Variants in DNAH7 observed in about 807,000 individuals in gnomAD.
DNAH7 encodes dynein axonemal heavy chain 7.
In DNAH7, 397 loss-of-function variants were observed where a neutral mutation model predicts 444.6. The observed-to-expected ratio is 0.89, with a 90% CI of 0.82 to 0.97. The LOEUF (loss-of-function observed/expected upper bound fraction) is 0.97, where lower values mean the gene tolerates loss of function less well. Ranked by LOEUF, DNAH7 falls within the 50% of genes least tolerant of loss-of-function variation. DNAH7 has a pLI of 0.00. For synonymous variants in DNAH7, 1,636 were observed against 1,624.4 expected, an observed-to-expected ratio of 1.01 and a Z score of -0.17; for missense variants, 4,902 against 4,800.8, an observed-to-expected ratio of 1.02 and a Z score of -0.62.
chr2:195,906,423 A>ACACACACACTT (rs764416021), intron 27 of DNAH7, among the ~76,000 whole-genome samples: 16 of 147,462 alleles, frequency 1.1e-4, no homozygotes, highest in African/African-American at 4.1e-4. Flanking sequence ...ACACACACAC[A>ACACACACACTT]CACACACTTT....
chr2:195,997,665 T>G (rs1693782454), intron 12 of DNAH7, among the ~76,000 whole-genome samples: 1 of 151,786 alleles, frequency 6.6e-6, no homozygotes, highest in Non-Finnish European at 1.5e-5. Context: ...CATTGCAGGT[T>G]TACCTTCCAT....
Position 195,787,082 on chromosome 2 carries a change from A to G in DNAH7, c.10806T>C (p.Ile3602=). 5 of 1,613,084 alleles carry G rather than the reference A, an allele frequency of 3.1e-6. No homozygotes were observed. Among genetic ancestry groups the G allele is most frequent in the Non-Finnish European group, 4.2e-6 (5 of 1,179,720 alleles). Residue 3602 remains isoleucine (I), a synonymous_variant, in exon 58 of 65, where the codon ATT becomes ATC. Transcript: ENST00000312428. The part of the protein sequence containing the change: ...RRKFGPLGWN[I]PYEFNETDLR... ...GATCTGTCTCATTGAACTCATAAGG[A>G]ATATTCCACCCTAGGGGTCCAAATT...
At position 195,857,477 on chromosome 2, in the gene DNAH7, A is replaced by T; in HGVS notation, c.8314T>A (p.Tyr2772Asn). 6.2e-7 allele frequency: 1 copy of T among 1,613,568 alleles called. No homozygotes were observed. ...PAYMNIIRKN[Y>N]IPNPDFVPEK... is the part of the protein sequence containing the mutation. ...GGTACAAAATCTGGATTTGGAATAT[A>T]ATTTTTTCTTATGATATTCATATAA... Residue 2772 changes from tyrosine (Y) to asparagine (N), a missense_variant, in exon 44 of 65, where the codon TAT (tyrosine) becomes AAT (asparagine). Tyr to Asn is a moderately radical substitution (Grantham distance 143). Transcript: ENST00000312428.
At position 195,810,592 on chromosome 2, in the gene DNAH7, C is replaced by T. The variant is rs555265664; in HGVS notation, c.9762-721G>A. Reference sequence around the variant, plus strand: ...ATGCCTGGCTAATTTTGGCAATGTCCTAACTGATATTCTAAGCTGTCAATC... The same window carrying T: ...ATGCCTGGCTAATTTTGGCAATGTCTTAACTGATATTCTAAGCTGTCAATC... On this transcript the variant is annotated intron_variant, in intron 51 of 64. Coordinates refer to ENST00000312428, the MANE Select transcript of DNAH7 (RefSeq NM_018897.3). 2.6e-5 allele frequency among the ~76,000 whole-genome samples: 4 copies of T among 151,630 alleles called. No individual in the cohort carries two copies. The East Asian group carries it at 5.8e-4, about 22-fold the overall frequency.
intron 8 of DNAH7, among the ~76,000 whole-genome samples, chr2:196,020,123 T>C (rs926772757): frequency 2.6e-5 from 4 of 152,136 alleles, no homozygotes; most frequent in Non-Finnish European, 5.9e-5. Context: ...AATTTTCTTT[T>C]CTCTAGCTTA....
intron 9 of DNAH7, among the ~76,000 whole-genome samples, chr2:196,018,362 C>T (rs1422973613): frequency 2.0e-5 from 3 of 152,000 alleles, no homozygotes; most frequent in Non-Finnish European, 4.4e-5. Context: ...AAAAATCCAG[C>T]AAAATATACT....
chr2:195,777,060 G>A (rs1256645335), intron 59 of DNAH7, among the ~76,000 whole-genome samples: 2 of 152,140 alleles, frequency 1.3e-5, no homozygotes, highest in African/African-American at 4.8e-5. Context: ...TCTGCCCTTG[G>A]CTAGCATTAA....
chr2:195,883,415 T>C (rs1169302986), intron 35 of DNAH7, among the ~76,000 whole-genome samples: 1 of 150,186 alleles, frequency 6.7e-6, no homozygotes, highest in Non-Finnish European at 1.5e-5. Context: ...GCCACTGCAC[T>C]CCAACCTGGA....
chr2:195,809,487 C>T (rs1194236257), intron 52 of DNAH7, among the ~76,000 whole-genome samples: 1 of 152,022 alleles, frequency 6.6e-6, no homozygotes, highest in Non-Finnish European at 1.5e-5. Flanking sequence ...ATATGCATAG[C>T]TGTATGAAAA....
chr2:195,738,546 G>A (rs1032890491), intron 64 of DNAH7, among the ~76,000 whole-genome samples: 10 of 152,074 alleles, frequency 6.6e-5, no homozygotes, highest in Non-Finnish European at 1.3e-4. Flanking sequence ...TATAGCTAGA[G>A]AACCTTCCCA....
intron 15 of DNAH7, among the ~76,000 whole-genome samples, chr2:195,984,128 T>G (rs1364234642): frequency 6.6e-6 from 1 of 152,098 alleles, no homozygotes; most frequent in Non-Finnish European, 1.5e-5. Flanking sequence ...TACCATGACA[T>G]GAGAACACAC....
chr2:196,010,778 T>C (rs1694682472), intron 10 of DNAH7, among the ~76,000 whole-genome samples: 1 of 152,166 alleles, frequency 6.6e-6, no homozygotes, highest in African/African-American at 2.4e-5. Flanking sequence ...AAATATAGTA[T>C]ATAAAATGTA....
chr2:196,036,670 C>T (rs1352262870), intron 5 of DNAH7, among the ~76,000 whole-genome samples: 2 of 152,004 alleles, frequency 1.3e-5, no homozygotes, highest in Non-Finnish European at 2.9e-5. Context: ...CAGTGCCCAC[C>T]TGCCCTACCC....
chr2:196,006,705 T>C (rs977343334), intron 10 of DNAH7, among the ~76,000 whole-genome samples: 2 of 152,056 alleles, frequency 1.3e-5, no homozygotes, highest in Admixed American at 1.3e-4. Flanking sequence ...AGTAAGGTAG[T>C]AGAATACAAG....
intron 12 of DNAH7, chr2:195,994,669 G>A (rs1559314713): frequency 1.9e-6 from 1 of 513,414 alleles, no homozygotes; most frequent in Non-Finnish European, 3.9e-6. Flanking sequence ...AGTGCTTCAA[G>A]TCTTGTTTCT....
At chr2:195,993,982 A>G (rs977840790) in intron 12 of DNAH7, among the ~76,000 whole-genome samples, 9 of 152,160 alleles carry the variant, frequency 5.9e-5, no homozygotes, top group African/African-American at 1.7e-4. Context: ...CTGATTGCAT[A>G]TTTTTTCATT....
chr2:195,766,664 C>T (rs1694601954), intron 61 of DNAH7, among the ~76,000 whole-genome samples: 1 of 151,926 alleles, frequency 6.6e-6, no homozygotes, highest in South Asian at 2.1e-4. Context: ...TTTAATTGCA[C>T]ATTTAAAAAT....
At chr2:195,767,610 T>C (rs1313666623) in intron 61 of DNAH7, among the ~76,000 whole-genome samples, 2 of 152,132 alleles carry the variant, frequency 1.3e-5, no homozygotes, top group Admixed American at 6.5e-5. Context: ...TTCTTTTCAA[T>C]CTTTCTTGTT....
chr2:195,903,869 G>A (rs1451051194), intron 27 of DNAH7: 1 of 152,108 alleles, frequency 6.6e-6, no homozygotes, highest in Admixed American at 6.6e-5. Flanking sequence ...TGAGAGCTTG[G>A]TAGATACTCC....
Sources: gnomAD v4.1 joint callset for allele counts (sites outside exome capture counted in the v4.1 genomes callset) on GRCh38, gnomAD v4.1.1 for gene constraint, MANE v1.5 for transcripts, NCBI Gene and HGNC (gene_info 2026-07-23, HGNC 2026-07-21) for gene names.